Variants in TCF4 observed in about 807,000 individuals in gnomAD.
TCF4 encodes the protein SL3-3 enhancer factor 2.
Under a neutral mutation model 82.1 loss-of-function variants are expected in TCF4, and 3 were observed. The observed-to-expected ratio is 0.04, with a 90% confidence interval of 0.02 to 0.09. The LOEUF (loss-of-function observed/expected upper bound fraction) is 0.09, where lower values mean the gene tolerates loss of function less well. Among genes scored for constraint, TCF4 ranks in the 10% least tolerant of loss-of-function variants. The pLI, the probability that TCF4 is intolerant of heterozygous loss-of-function variation, is 1.00. For synonymous variants in TCF4, 276 were observed against 309.6 expected (o/e 0.89, Z 1.14); for missense variants, 518 against 852.7 (o/e 0.61, Z 4.89).
chr18:55,287,401 T>C (rs995215200), intron 8 of TCF4, among the ~76,000 whole-genome samples: 1 of 152,228 alleles, frequency 6.6e-6, no homozygotes, highest in Admixed American at 6.5e-5. Context: ...CTAAATCCTG[T>C]AAATAATTTC....
intron 11 of TCF4, chr18:55,267,597 T>C (rs2059477965): frequency 6.6e-6 from 1 of 152,134 alleles, no homozygotes; most frequent in East Asian, 1.9e-4. Context: ...AAAAACATTC[T>C]AGAATGTTCT....
chr18:55,551,457 CCAAGGTCA>C (rs2097259652), intron 3 of TCF4: 1 of 152,378 alleles, frequency 6.6e-6, no homozygotes, highest in Non-Finnish European at 1.5e-5. Context: ...GTAAGCTTTT[CCAAGGTCA>C]CAATGTTAGC....
chr18:55,602,015 C>T (rs1018248476), intron 2 of TCF4, among the ~76,000 whole-genome samples: 13 of 152,066 alleles, frequency 8.5e-5, no homozygotes, highest in Admixed American at 6.5e-4. Context: ...TCTCACTTAA[C>T]GGGATGTCAT....
rs1421293227 is a variant in TCF4 at position 55,380,226 on chromosome 18, T to A, written c.369+23228A>T. 2.0e-5 allele frequency among the ~76,000 whole-genome samples: 3 copies of A among 152,212 alleles called. No homozygotes were observed. In the East Asian group the frequency reaches 5.8e-4, roughly 29 times the overall value. Reference sequence around the variant, plus strand: ...ACCATCTTCTCGTGGTATCCTCACATGGAGAAGAGAGAAGGCTGGCTAGCT... The same window carrying A: ...ACCATCTTCTCGTGGTATCCTCACAAGGAGAAGAGAGAAGGCTGGCTAGCT... On this transcript the variant is annotated intron_variant, in intron 6 of 19. Transcript: ENST00000354452.
chr18:55,315,875 T>A lies in TCF4; in HGVS notation c.549+34484A>T, dbSNP rs1409073647. 3.9e-5 allele frequency among the ~76,000 whole-genome samples: 6 copies of A among 152,250 alleles called. No homozygotes were observed. In the South Asian group the frequency reaches 1.0e-3, roughly 26 times the overall value. Reference sequence around the variant, plus strand: ...TCCTGGTATACAAACAACTGCTTTTTTTTTAGGACTATGATGATTTCCTAA... The same window carrying A: ...TCCTGGTATACAAACAACTGCTTTTATTTTAGGACTATGATGATTTCCTAA... On this transcript the variant is annotated intron_variant, in intron 8 of 19. Transcript: ENST00000354452.
In TCF4 at chr18:55,224,219, A is replaced by G. The variant is rs2046302523; in HGVS notation, c.*3816T>C. The G allele has an allele frequency of 6.6e-6, 1 of 152,238 alleles. No homozygotes were observed. Among genetic ancestry groups the G allele is most frequent in the African/African-American group, 2.4e-5 (1 of 41,358 alleles). 9.4% of individuals were successfully genotyped at this position (152,238 alleles called of 1,614,324 possible). On this transcript the variant is annotated 3_prime_UTR_variant, in exon 20 of 20. Coordinates refer to ENST00000354452, the MANE Select transcript of TCF4 (RefSeq NM_001083962.2). ...ATTGCATCACAAGTAACAAGAATGA[A>G]AAAGGCCACAGTTCATATATTTTCA...
intron 3 of TCF4, among the ~76,000 whole-genome samples, chr18:55,555,698 T>C (rs1435315546): frequency 6.6e-6 from 1 of 152,202 alleles, no homozygotes; most frequent in Non-Finnish European, 1.5e-5. Context: ...CAGTTAAAAC[T>C]GAGGTAGAGA....
At chr18:55,397,240 C>A (rs962224097) in intron 6 of TCF4, among the ~76,000 whole-genome samples, 4 of 152,174 alleles carry the variant, frequency 2.6e-5, no homozygotes, top group Non-Finnish European at 4.4e-5. Context: ...ACACAGCACC[C>A]CCAATGAAGT....
chr18:55,635,889 A>G (rs1292659317), exon 1 of TCF4: 1 of 1,569,888 alleles, frequency 6.4e-7, no homozygotes, highest in Non-Finnish European at 8.6e-7. Context: ...CCAGCCTTTT[A>G]GAAAACATGG....
upstream of TCF4, among the ~76,000 whole-genome samples, chr18:55,590,207 C>T (rs2097682444): frequency 6.6e-6 from 1 of 152,232 alleles, no homozygotes; most frequent in Non-Finnish European, 1.5e-5. Flanking sequence ...GGGCCGGCCT[C>T]ACTCACAGTA....
intron 3 of TCF4, among the ~76,000 whole-genome samples, chr18:55,583,563 T>C (rs182297642): frequency 4.9e-4 from 74 of 152,262 alleles, no homozygotes; most frequent in Middle Eastern, 3.4e-3. Flanking sequence ...ATCTCATATT[T>C]CTAAACACCT....
intron 3 of TCF4, among the ~76,000 whole-genome samples, chr18:55,516,747 G>C (rs1373401088): frequency 6.6e-6 from 1 of 152,162 alleles, no homozygotes; most frequent in Non-Finnish European, 1.5e-5. Flanking sequence ...CCTGAGGTGG[G>C]AGCTTGCATG....
chr18:55,465,520 G>A (rs945643534), intron 3 of TCF4, among the ~76,000 whole-genome samples: 8 of 151,778 alleles, frequency 5.3e-5, no homozygotes, highest in Non-Finnish European at 7.4e-5. Flanking sequence ...GTTTAAATCA[G>A]TGCACTGTGA....
At chr18:55,402,108 A>G (rs2093854489) in intron 6 of TCF4, 1 of 985,318 alleles carries the variant, frequency 1.0e-6, no homozygotes, top group African/African-American at 1.7e-5. Flanking sequence ...TTTCCTGCAG[A>G]ATTCTTTCCA....
intron 5 of TCF4, among the ~76,000 whole-genome samples, chr18:55,444,625 G>T (rs899930114): frequency 9.9e-5 from 15 of 152,190 alleles, no homozygotes; most frequent in African/African-American, 3.6e-4. Flanking sequence ...AAAAGTTAGA[G>T]CTGTCACAAT....
At chr18:55,361,256 C>T (rs1037198683) in intron 6 of TCF4, among the ~76,000 whole-genome samples, 1 of 152,104 alleles carries the variant, frequency 6.6e-6, no homozygotes, top group Non-Finnish European at 1.5e-5. Context: ...AATGCTGAGC[C>T]CCCAGCTCCA....
Position 55,259,997 on chromosome 18 carries a change from A to G in TCF4, c.1021T>C (p.Phe341Leu). Residue 341 changes from phenylalanine to leucine, a missense_variant, in exon 13 of 20, where the codon TTT becomes CTT. Phe to Leu is a conservative substitution (Grantham distance 22, BLOSUM62 0). Around this residue, in one of 7 missense-constraint regions of TCF4, gnomAD observed 211 missense variants for 327.4 expected, o/e 0.64. Transcript: ENST00000354452. ...IYSPDHTNNSFSSNPSTPVGS... is the reference protein window; with the variant it reads ...IYSPDHTNNSLSSNPSTPVGS... ...ACAGGAGTTGAAGGGTTTGATGAAA[A>G]GCTGTTGTTAGTGTGATCTGGAGAA... The G allele has an allele frequency of 6.2e-7, 1 of 1,613,426 alleles. No homozygotes were observed. The highest frequency in any genetic ancestry group is 8.5e-7 in the Non-Finnish European group (1 of 1,179,486).
At chr18:55,632,696 C>T (rs1423839801) in intron 1 of TCF4, among the ~76,000 whole-genome samples, 1 of 152,160 alleles carries the variant, frequency 6.6e-6, no homozygotes, top group Non-Finnish European at 1.5e-5. Flanking sequence ...AGGGTAACAT[C>T]CTGATTTAAA....
chr18:55,403,986 A>G, intron 5 of TCF4: 1 of 1,253,382 alleles, frequency 8.0e-7, no homozygotes, highest in Non-Finnish European at 1.0e-6. Context: ...ACTATTCAAA[A>G]TTCTGAGTCT....
Sources: gnomAD v4.1 joint callset for allele counts (sites outside exome capture counted in the v4.1 genomes callset) on GRCh38, gnomAD v4.1.1 for gene constraint, gnomAD v4.1.1 regional missense constraint, MANE v1.5 for transcripts, NCBI Gene and HGNC (gene_info 2026-07-23, HGNC 2026-07-21) for gene names.